NPC1: variants seen among roughly 807,000 people sequenced by gnomAD.
NPC1 encodes the protein NPC intracellular cholesterol transporter 1.
A neutral mutation model predicts 140.4 loss-of-function variants in NPC1; 85 were observed. The observed-to-expected ratio is 0.61, with a 90% confidence interval of 0.51 to 0.72. The LOEUF (loss-of-function observed/expected upper bound fraction) is 0.72. Ranked by LOEUF, NPC1 falls within the 30% of genes least tolerant of loss-of-function variation. NPC1 has a pLI of 0.00. For synonymous variants in NPC1, 656 were observed against 624.8 expected (o/e 1.05, Z -0.74); for missense variants, 1,504 against 1,623.8 (o/e 0.93, Z 1.27).
At chr18:23,571,025 A>G (rs2059194472) in intron 3 of NPC1, among the ~76,000 whole-genome samples, 1 of 152,038 alleles carries the variant, frequency 6.6e-6, no homozygotes, top group Admixed American at 6.6e-5. Flanking sequence ...ACCCCTAGGA[A>G]CCTCTCTTCC....
At chr18:23,582,858 C>T (rs571657424) in intron 1 of NPC1, among the ~76,000 whole-genome samples, 29 of 151,230 alleles carry the variant, frequency 1.9e-4, no homozygotes, top group Non-Finnish European at 4.0e-4. Context: ...TGCTTGTAAT[C>T]CCAGCACTTT....
chr18:23,519,086 A>T (rs746086714), downstream of NPC1: 1 of 1,614,212 alleles, frequency 6.2e-7, no homozygotes, highest in Non-Finnish European at 8.5e-7. Context: ...GCCTGTAAAA[A>T]GATGCACATA....
rs1567961433 is a variant in NPC1, at chr18:23,551,685, A to G, written c.1596T>C (p.Pro532=). 2 of 1,614,210 alleles carry G rather than the reference A, an allele frequency of 1.2e-6. No individual in the cohort carries two copies. The highest frequency in any genetic ancestry group is 8.5e-7 in the Non-Finnish European group (1 of 1,180,036). ...CTGGTCCACCAAACGTACCCAGACA[A>G]GGGTCATGGAGCAAACTTGTATCAT... The part of the protein sequence containing the change: ...SLNDTSLLHD[P]CLGTFGGPVF... The change falls in exon 10 of 25, where the codon CCT becomes CCC. Residue 532 remains proline (P), a synonymous_variant. Coordinates refer to ENST00000269228, the MANE Select transcript of NPC1 (RefSeq NM_000271.5).
chr18:23,585,653 G>A (rs2059409294), intron 1 of NPC1, among the ~76,000 whole-genome samples: 1 of 152,206 alleles, frequency 6.6e-6, no homozygotes, highest in Non-Finnish European at 1.5e-5. Flanking sequence ...GCCCCCAGAA[G>A]GAGTCAGCAG....
rs141177723 is a variant in NPC1 at position 23,554,584 on chromosome 18, C to T, written c.1553+174G>A. 4.5e-3 allele frequency among the ~76,000 whole-genome samples: 664 copies of T among 146,414 alleles called. 1 individual carries two copies. Among genetic ancestry groups the T allele is most frequent in the Middle Eastern group, 0.014 (4 of 290 alleles). ...TTGCGCCACTGCACTCCAGCCTGGG[C>T]GACAGAGCGAGACCCTGTCTCAAAA... On this transcript the variant is annotated intron_variant, in intron 9 of 24. Transcript: ENST00000269228.
In NPC1 at chr18:23,561,423, T is replaced by G; in HGVS notation, c.568A>C (p.Ile190Leu). Residue 190 changes from isoleucine (I) to leucine (L), a missense_variant, in exon 5 of 25, where the codon ATT becomes CTT. Coordinates refer to ENST00000269228, the MANE Select transcript of NPC1 (RefSeq NM_000271.5). ...TTGTCCTTATTGAACATGTATTCAA[T>G]CCAGTTGGTGGCATTACAGGCGTCA... is the stretch of plus-strand genomic sequence containing the variant. ...DADACNATNWIEYMFNKDNGQ... is the reference protein window; with the variant it reads ...DADACNATNWLEYMFNKDNGQ... 1 of 1,614,162 alleles carries G rather than the reference T, an allele frequency of 6.2e-7. No individual in the cohort carries two copies. The highest frequency in any genetic ancestry group is 8.5e-7 in the Non-Finnish European group (1 of 1,180,032).
chr18:23,531,519 A>C lies in NPC1; in HGVS notation c.*683T>G. On this transcript the variant is annotated 3_prime_UTR_variant, in exon 25 of 25. Transcript: ENST00000269228. The stretch of plus-strand genomic sequence containing the variant: ...AAAACTTAGGAAAACAATGTATTTT[A>C]TTAAAGAAAAATAAGTTAAAACCCA... 3 of 1,512,702 alleles carry C rather than the reference A, an allele frequency of 2.0e-6. No homozygotes were observed. Among genetic ancestry groups the C allele is most frequent in the Non-Finnish European group, 2.6e-6 (3 of 1,137,570 alleles). 93.7% of individuals were successfully genotyped at this position (1,512,702 alleles called of 1,614,324 possible). A position where few individuals can be genotyped will look rare whatever the true frequency, so the allele number is the denominator to read the frequency against.
rs3837910 is a variant in NPC1 at position 23,544,943 on chromosome 18, A to ACCCCCCCCCCCCCCCCCCTCC, written c.1947+16_1947+17insGGAGGGGGGGGGGGGGGGGGG. On this transcript the variant is annotated intron_variant, in intron 12 of 24. Coordinates refer to ENST00000269228, the MANE Select transcript of NPC1 (RefSeq NM_000271.5). ...GCTGTTAACCTCTAGAACATACACC[A>ACCCCCCCCCCCCCCCCCCTCC]CCCCCCCCCGGCTTACCAGAAGCCT... The ACCCCCCCCCCCCCCCCCCTCC allele has an allele frequency of 1.3e-6, 1 of 783,212 alleles. No individual in the cohort carries two copies. The highest frequency in any genetic ancestry group is 1.8e-6 in the Non-Finnish European group (1 of 540,984). The allele number at this position is 783,212 out of a possible 1,614,324, so 48.5% of individuals were successfully genotyped here.
downstream of NPC1, among the ~76,000 whole-genome samples, chr18:23,522,109 T>C (rs915905396): frequency 1.3e-5 from 2 of 152,316 alleles, no homozygotes; most frequent in South Asian, 2.1e-4. Flanking sequence ...AAGAGCACCA[T>C]TGTCAGCCTG....
intron 1 of NPC1, chr18:23,576,620 G>A (rs1225296192): frequency 1.2e-5 from 4 of 343,478 alleles, no homozygotes; most frequent in Admixed American, 6.4e-5. Flanking sequence ...CTCTTAAGGT[G>A]GCGCGTCTGG....
In NPC1 at chr18:23,532,153, AACCG is replaced by A. The variant is rs745675237; in HGVS notation, c.*45_*48del. The A allele has an allele frequency of 1.9e-6, 3 of 1,614,072 alleles. No individual in the cohort carries two copies. The South Asian group carries it at 3.3e-5, about 18-fold the overall frequency. On this transcript the variant is annotated 3_prime_UTR_variant, in exon 25 of 25. Coordinates refer to ENST00000269228, the MANE Select transcript of NPC1 (RefSeq NM_000271.5). The stretch of plus-strand genomic sequence containing the variant: ...CCGATGCAGCACCCGTCCAGTGGTA[AACCG>A]ACCGACCCTTAGACACAGTTCAGTC...
intron 1 of NPC1, among the ~76,000 whole-genome samples, chr18:23,584,633 C>A (rs1168462256): frequency 6.6e-6 from 1 of 152,070 alleles, no homozygotes; most frequent in Non-Finnish European, 1.5e-5. Flanking sequence ...AAGAGGAGGG[C>A]GGATCGCTAG....
At chr18:23,535,836 AGACTC>A in intron 21 of NPC1, 136 bp from the exon 22 acceptor site, 1 of 714,180 alleles carries the variant, frequency 1.4e-6, no homozygotes, top group Non-Finnish European at 2.5e-6. Context: ...GCTGTCTACA[AGACTC>A]ACCGAAAGCA....
At chr18:23,585,142 C>T (rs2059402118) in intron 1 of NPC1, among the ~76,000 whole-genome samples, 2 of 152,114 alleles carry the variant, frequency 1.3e-5, no homozygotes, top group Non-Finnish European at 1.5e-5. Flanking sequence ...TTATTTATTT[C>T]TCTCTCTTTT....
downstream of NPC1, among the ~76,000 whole-genome samples, chr18:23,521,671 G>C (rs1183902890): frequency 6.7e-6 from 1 of 149,420 alleles, no homozygotes; most frequent in African/African-American, 2.5e-5. Context: ...AGAACTGAAA[G>C]AATATTCAAC....
In NPC1 at chr18:23,540,552, G is replaced by A. The variant is rs886817357; in HGVS notation, c.2515-15C>T. 6.4e-7 allele frequency: 1 copy of A among 1,562,682 alleles called. No individual in the cohort carries two copies. ...AATATTGCTATCTGGAACAACAAAT[G>A]AATCATAAGACAGAGACTGCTTAGT... is the stretch of plus-strand genomic sequence containing the variant. On this transcript the variant is annotated splice_polypyrimidine_tract_variant and intron_variant, in intron 16 of 24. Transcript: ENST00000269228.
chr18:23,530,314 A>G, downstream of NPC1: 2 of 1,614,136 alleles, frequency 1.2e-6, no homozygotes, highest in Middle Eastern at 1.6e-4. Context: ...CTGATGTGTG[A>G]GGTTTTAGAC....
At chr18:23,578,679 CCT>C (rs1248931062) in intron 1 of NPC1, among the ~76,000 whole-genome samples, 4 of 152,216 alleles carry the variant, frequency 2.6e-5, no homozygotes, top group Non-Finnish European at 1.5e-5. Context: ...TCCACAAACC[CCT>C]CTCTCAGCTT....
chr18:23,570,030 C>T (rs1201258539), intron 3 of NPC1, among the ~76,000 whole-genome samples: 1 of 152,194 alleles, frequency 6.6e-6, no homozygotes, highest in Non-Finnish European at 1.5e-5. Flanking sequence ...AAAAGTGTGT[C>T]CTGGCCTTCA....
Sources: allele counts gnomAD v4.1 joint callset (sites outside exome capture counted in the v4.1 genomes callset), GRCh38; gene constraint gnomAD v4.1.1; transcripts MANE v1.5; gene names NCBI Gene and HGNC (gene_info 2026-07-23, HGNC 2026-07-21).